The following UQCC1 variants were observed in gnomAD, a reference collection of about 807,000 sequenced individuals.
UQCC1 encodes the protein bFGF-repressed Zic-binding protein.
UQCC1 carries 38 observed loss-of-function variants against 48.0 expected under a neutral mutation model. The ratio of observed to expected loss-of-function variants is 0.79; its 90% confidence interval spans 0.61 to 1.04. The LOEUF (loss-of-function observed/expected upper bound fraction) is 1.04. Ranked by LOEUF, UQCC1 falls within the 50% of genes least tolerant of loss-of-function variation. UQCC1 has a pLI of 0.00. For missense variants in UQCC1, 368 were observed against 381.8 expected (o/e 0.96, Z 0.30); for synonymous variants, 111 against 129.2 (o/e 0.86, Z 0.95).
At chr20:35,309,312 G>A (rs1482966731) in intron 8 of UQCC1, 1 of 395,896 alleles carries the variant, frequency 2.5e-6, no homozygotes, top group African/African-American at 2.1e-5. Context: ...CACAAGTGTA[G>A]TCCCAGCTAC....
chr20:35,382,218 T>C (rs577463794), intron 3 of UQCC1, among the ~76,000 whole-genome samples, 193 bp from the exon 4 acceptor site: 1 of 152,210 alleles, frequency 6.6e-6, no homozygotes, highest in African/African-American at 2.4e-5. Flanking sequence ...GTGATCCTCC[T>C]GCCTCAGCCT....
chr20:35,347,247 C>T lies in UQCC1; in HGVS notation c.490G>A (p.Glu164Lys), dbSNP rs777000018. Residue 164 changes from glutamate (E) to lysine (K), a missense_variant, in exon 7 of 10, where the codon GAA becomes AAA. Transcript: ENST00000374385. ...VWMCLVRMKQ[E>K]GRSGKYMCRI... ...CACATGTACTTCCCACTCCGGCCTT[C>T]CTGCTTCATTCGGACTAGACACATC... 1.2e-6 allele frequency: 2 copies of T among 1,614,162 alleles called. No individual in the cohort carries two copies. The highest frequency in any genetic ancestry group is 8.5e-7 in the Non-Finnish European group (1 of 1,180,038).
chr20:35,338,874 A>ATATATATATAT (rs1568666053), intron 7 of UQCC1, among the ~76,000 whole-genome samples: 12 of 58,404 alleles, frequency 2.1e-4, no homozygotes, highest in African/African-American at 8.2e-4. Flanking sequence ...AAAAAAAAAA[A>ATATATATATAT]AAAAAAAAAA....
chr20:35,365,437 T>C (rs1295211376), intron 6 of UQCC1, among the ~76,000 whole-genome samples: 1 of 151,934 alleles, frequency 6.6e-6, no homozygotes, highest in Non-Finnish European at 1.5e-5. Context: ...GGTGGATCAC[T>C]TGAGGTCAGG....
intron 7 of UQCC1, among the ~76,000 whole-genome samples, chr20:35,325,265 A>G (rs978577537): frequency 3.3e-5 from 5 of 152,262 alleles, no homozygotes; most frequent in African/African-American, 9.6e-5. Flanking sequence ...GGTATAGATA[A>G]TGAAAATTGT....
intron 1 of UQCC1, among the ~76,000 whole-genome samples, chr20:35,406,587 G>GC (rs1324658015): frequency 1.3e-5 from 2 of 152,210 alleles, no homozygotes; most frequent in African/African-American, 2.4e-5. Context: ...GACTTGCCCT[G>GC]CAAGAATAAG....
At chr20:35,411,863 A>G (rs1307546496) in intron 1 of UQCC1, 77 bp downstream of exon 1, 87 of 1,597,020 alleles carry the variant, frequency 5.4e-5, no homozygotes, top group Non-Finnish European at 7.3e-5. Flanking sequence ...GATTCCTTCC[A>G]ATTCCTCCCG....
chr20:35,407,892 C>T (rs1392191361), intron 1 of UQCC1, among the ~76,000 whole-genome samples: 1 of 152,158 alleles, frequency 6.6e-6, no homozygotes, highest in Non-Finnish European at 1.5e-5. Flanking sequence ...TGTGGTGGTG[C>T]AGGTCTCTAA....
At chr20:35,386,388 C>T in intron 2 of UQCC1, 1 of 440,396 alleles carries the variant, frequency 2.3e-6, no homozygotes, top group Non-Finnish European at 4.5e-6. Context: ...TTTTCTTTAA[C>T]CCTAACGAAG....
At chr20:35,310,638 CTG>C (rs1219365425) in intron 8 of UQCC1, among the ~76,000 whole-genome samples, 1 of 82,484 alleles carries the variant, frequency 1.2e-5, no homozygotes, top group Non-Finnish European at 2.2e-5. Context: ...GAGTGAGACT[CTG>C]TCTCAAAAAA....
In UQCC1 at chr20:35,381,800, T is replaced by A. The variant is rs2061872898; in HGVS notation, c.333+118A>T. Reference sequence around the variant, plus strand: ...GACAGATGTCGCAGCTAGATCGTCCTCACATCCAAAATAATGTATGAATTC... The same window carrying A: ...GACAGATGTCGCAGCTAGATCGTCCACACATCCAAAATAATGTATGAATTC... On this transcript the variant is annotated intron_variant, in intron 4 of 9. Transcript: ENST00000374385. The A allele has an allele frequency of 8.6e-6, 6 of 694,976 alleles. No homozygotes were observed. The Middle Eastern group carries it at 1.0e-3, about 118-fold the overall frequency. 43.1% of individuals were successfully genotyped at this position (694,976 alleles called of 1,614,324 possible).
rs11471118 is a variant in UQCC1, at chr20:35,387,798, C to CT, written c.130-3666dup. On this transcript the variant is annotated intron_variant, in intron 2 of 9. Coordinates refer to ENST00000374385, the MANE Select transcript of UQCC1 (RefSeq NM_018244.5). ...TTTGGTAAAGGTAATTTTAGGACAA[C>CT]TTTTTTTTTTTTTTTTAAGTTTCAT... Among the ~76,000 whole-genome samples, 1,461 of 146,614 alleles carry CT rather than the reference C, an allele frequency of 1.0e-2. 15 individuals carry two copies. Among genetic ancestry groups the CT allele is most frequent in the African/African-American group, 0.023 (908 of 39,436 alleles).
At chr20:35,371,148 T>TA (rs1400070367) in intron 5 of UQCC1, among the ~76,000 whole-genome samples, 1 of 152,172 alleles carries the variant, frequency 6.6e-6, no homozygotes, top group Non-Finnish European at 1.5e-5. Context: ...TGAAACATGA[T>TA]ATGTTAAATA....
At chr20:35,344,131 A>G (rs2061408966) in intron 7 of UQCC1, 1 of 152,236 alleles carries the variant, frequency 6.6e-6, no homozygotes, top group Non-Finnish European at 1.5e-5. Flanking sequence ...ATATTCATTT[A>G]TTTGACAATT....
chr20:35,396,318 G>T (rs548677349), intron 1 of UQCC1, among the ~76,000 whole-genome samples: 3 of 143,970 alleles, frequency 2.1e-5, no homozygotes, highest in Admixed American at 7.1e-5. Flanking sequence ...AAGAGACAGG[G>T]TCTCACTACA....
chr20:35,370,926 G>C (rs1163499659), intron 5 of UQCC1, among the ~76,000 whole-genome samples: 1 of 152,158 alleles, frequency 6.6e-6, no homozygotes, highest in African/African-American at 2.4e-5. Context: ...AGGCAACCCT[G>C]GGTGAGTCAC....
intron 1 of UQCC1, among the ~76,000 whole-genome samples, chr20:35,406,935 T>A (rs1459749807): frequency 6.6e-6 from 1 of 152,196 alleles, no homozygotes; most frequent in Non-Finnish European, 1.5e-5. Context: ...ATTAAGATGT[T>A]CATTGTAATC....
chr20:35,321,296 G>GCGCGCA (rs998944216), intron 7 of UQCC1, among the ~76,000 whole-genome samples: 17 of 152,100 alleles, frequency 1.1e-4, no homozygotes, highest in Admixed American at 7.9e-4. Context: ...GCGCGCGCGC[G>GCGCGCA]CGCACGCTCA....
chr20:35,380,160 T>C (rs2061849212), intron 4 of UQCC1, among the ~76,000 whole-genome samples: 1 of 152,200 alleles, frequency 6.6e-6, no homozygotes, highest in Non-Finnish European at 1.5e-5. Flanking sequence ...AAACAAAACA[T>C]ATACTTTAAG....
Sources: allele counts gnomAD v4.1 joint callset (sites outside exome capture counted in the v4.1 genomes callset), GRCh38; gene constraint gnomAD v4.1.1; transcripts MANE v1.5; gene names NCBI Gene and HGNC (gene_info 2026-07-23, HGNC 2026-07-21).